ATP6V1E2: variants seen among roughly 807,000 people sequenced by gnomAD.
ATP6V1E2 encodes V-type proton ATPase subunit E 2.
For synonymous variants in ATP6V1E2, 121 were observed against 104.2 expected (o/e 1.16, Z -0.98); for missense variants, 308 against 273.3 (o/e 1.13, Z -0.90).
intron 2 of ATP6V1E2, among the ~76,000 whole-genome samples, chr2:46,539,338 CCTT>C (rs1436655131): frequency 1.3e-5 from 2 of 152,248 alleles, no homozygotes; most frequent in Admixed American, 6.5e-5. Context: ...CTAGACAGTG[CCTT>C]CATCTTTTGC....
At chr2:46,526,601 G>A (rs1666933661) in intron 4 of ATP6V1E2, among the ~76,000 whole-genome samples, 1 of 152,130 alleles carries the variant, frequency 6.6e-6, no homozygotes, top group Non-Finnish European at 1.5e-5. Flanking sequence ...GTGAATTTGA[G>A]TACTCCAGGT....
intron 4 of ATP6V1E2, among the ~76,000 whole-genome samples, chr2:46,517,408 A>G (rs999974457): frequency 6.6e-6 from 1 of 152,240 alleles, no homozygotes; most frequent in Non-Finnish European, 1.5e-5. Flanking sequence ...GAAAAGCTTC[A>G]TAACACTGGT....
intron 4 of ATP6V1E2, among the ~76,000 whole-genome samples, chr2:46,517,381 T>C (rs1408551154): frequency 6.6e-6 from 1 of 152,188 alleles, no homozygotes; most frequent in Non-Finnish European, 1.5e-5. Context: ...ATAAAATTCC[T>C]AGAAAGAAAC....
At chr2:46,531,741 C>G (rs761041652) in intron 4 of ATP6V1E2, among the ~76,000 whole-genome samples, 7 of 152,188 alleles carry the variant, frequency 4.6e-5, no homozygotes, top group Non-Finnish European at 8.8e-5. Flanking sequence ...TAAAGGGGTA[C>G]CTCATTGAGG....
chr2:46,537,795 G>A (rs34495191), intron 2 of ATP6V1E2, among the ~76,000 whole-genome samples: 48,345 of 151,846 alleles, frequency 0.32, 7,980 homozygotes, highest in African/African-American at 0.37. Context: ...CAGACATGAG[G>A]GAACACACAA....
chr2:46,513,169 G>A (rs1687555205), intron 4 of ATP6V1E2, among the ~76,000 whole-genome samples: 1 of 151,176 alleles, frequency 6.6e-6, no homozygotes, highest in South Asian at 2.1e-4. Context: ...AGGAGGGTTG[G>A]GGAAAGTCTT....
At chr2:46,525,644 T>C (rs1477303820) in intron 4 of ATP6V1E2, among the ~76,000 whole-genome samples, 8 of 151,986 alleles carry the variant, frequency 5.3e-5, no homozygotes, top group Admixed American at 5.2e-4. Flanking sequence ...TGCTGATGAG[T>C]AAGGAGCCAC....
At chr2:46,531,201 C>T (rs1386344617) in intron 4 of ATP6V1E2, among the ~76,000 whole-genome samples, 3 of 152,194 alleles carry the variant, frequency 2.0e-5, no homozygotes, top group African/African-American at 7.2e-5. Context: ...CTACCATCCC[C>T]AGCCCATAGC....
At position 46,512,146 on chromosome 2, in the gene ATP6V1E2, C is replaced by T; in HGVS notation, c.566G>A (p.Arg189Lys). Residue 189 changes from arginine (R) to lysine (K), a missense_variant, in exon 5 of 5, where the codon AGA becomes AAA. Coordinates refer to ENST00000522587, the MANE Select transcript of ATP6V1E2 (RefSeq NM_001318063.2). ...TTCCAAGGTATTTGAAACCTTTATT[C>T]TCTGATTGCCACTGTAGACCTCCAC... The part of the protein sequence containing the change: ...GGVEVYSGNQ[R>K]IKVSNTLESR... 2 of 1,614,174 alleles carry T rather than the reference C, an allele frequency of 1.2e-6. No homozygotes were observed. The highest frequency in any genetic ancestry group is 1.7e-6 in the Non-Finnish European group (2 of 1,180,028).
intron 4 of ATP6V1E2, among the ~76,000 whole-genome samples, chr2:46,534,035 G>C (rs1350497328): frequency 2.0e-5 from 3 of 152,052 alleles, no homozygotes; most frequent in East Asian, 3.8e-4. Context: ...TAATTACAAA[G>C]TGCCTCGCTT....
intron 4 of ATP6V1E2, among the ~76,000 whole-genome samples, chr2:46,517,120 C>T (rs1277098694): frequency 1.3e-5 from 2 of 152,142 alleles, no homozygotes; most frequent in African/African-American, 4.8e-5. Context: ...CAGTATGGTA[C>T]TGGCATAAAG....
chr2:46,519,779 C>T (rs957728823), intron 4 of ATP6V1E2: 2 of 152,222 alleles, frequency 1.3e-5, no homozygotes. Context: ...ATGACCACTA[C>T]TACTATTATT....
Position 46,529,777 on chromosome 2 carries a change from A to ATG in ATP6V1E2, c.-102+6035_-102+6036insCA, listed in dbSNP as rs1558665891. Among the ~76,000 whole-genome samples the ATG allele has an allele frequency of 3.3e-5, 5 of 150,756 alleles. No homozygotes were observed. In the East Asian group the frequency reaches 7.7e-4, roughly 23 times the overall value. On this transcript the variant is annotated intron_variant, in intron 4 of 4. Transcript: ENST00000522587. ...CTTTAATGATGATGATGATGATGAT[A>ATG]ATAATAATAATAACAATTTATTGAA...
At chr2:46,526,693 T>A (rs984152936) in intron 4 of ATP6V1E2, among the ~76,000 whole-genome samples, 2 of 152,248 alleles carry the variant, frequency 1.3e-5, no homozygotes, top group South Asian at 2.1e-4. Context: ...GGATTCCCCA[T>A]GTTGTAGCAC....
chr2:46,529,679 C>A (rs1667089456), intron 4 of ATP6V1E2, among the ~76,000 whole-genome samples: 1 of 152,060 alleles, frequency 6.6e-6, no homozygotes, highest in Non-Finnish European at 1.5e-5. Flanking sequence ...TCACTAGAGC[C>A]CAGGCATTTG....
chr2:46,524,849 A>G (rs1196201292), intron 4 of ATP6V1E2, among the ~76,000 whole-genome samples: 1 of 152,170 alleles, frequency 6.6e-6, no homozygotes, highest in East Asian at 1.9e-4. Context: ...ATGTCTAGAA[A>G]GACACTGGGG....
In ATP6V1E2 at chr2:46,518,526, A is replaced by ACACACAG. The variant is rs59512948; in HGVS notation, c.-101-5715_-101-5714insCTGTGTG. Among the ~76,000 whole-genome samples the ACACACAG allele has an allele frequency of 2.5e-3, 223 of 90,744 alleles. 2 individuals carry two copies. Among genetic ancestry groups the ACACACAG allele is most frequent in the African/African-American group, 7.8e-3 (219 of 28,074 alleles). 59.5% of individuals were successfully genotyped at this position (90,744 alleles called of 152,430 possible). A position where few individuals can be genotyped will look rare whatever the true frequency, so the allele number is the denominator to read the frequency against. On this transcript the variant is annotated intron_variant, in intron 4 of 4. Coordinates refer to ENST00000522587, the MANE Select transcript of ATP6V1E2 (RefSeq NM_001318063.2). ...ACACACACACACACACACACACACA[A>ACACACAG]ATGCTATCCCAGAAACCCGTACCAC...
At position 46,520,971 on chromosome 2, in the gene ATP6V1E2, C is replaced by T. The variant is rs572234968; in HGVS notation, c.-101-8159G>A. Among the ~76,000 whole-genome samples, 252 of 152,220 alleles carry T rather than the reference C, an allele frequency of 1.7e-3. 1 individual carries two copies. The highest frequency in any genetic ancestry group is 2.4e-3 in the Non-Finnish European group (161 of 68,020). On this transcript the variant is annotated intron_variant, in intron 4 of 4. Transcript: ENST00000522587. ...TTACGAGGCAAATATCCTGTAACCA[C>T]CATCCAGATCAAGAGAACATTACCA...
intron 4 of ATP6V1E2, among the ~76,000 whole-genome samples, chr2:46,523,555 A>T (rs1243684062): frequency 6.6e-6 from 1 of 151,936 alleles, no homozygotes; most frequent in African/African-American, 2.4e-5. Context: ...TAGATGTGCG[A>T]TGTTATTTCT....
Sources: allele counts gnomAD v4.1 joint callset (sites outside exome capture counted in the v4.1 genomes callset), GRCh38; gene constraint gnomAD v4.1.1; transcripts MANE v1.5; gene names NCBI Gene and HGNC (gene_info 2026-07-23, HGNC 2026-07-21).